ARPC1B: variants seen among roughly 807,000 people sequenced by gnomAD.
ARPC1B encodes actin related protein 2/3 complex subunit 1B, also known as actin-related protein 2/3 complex subunit 1B.
A neutral mutation model predicts 46.0 loss-of-function variants in ARPC1B; 29 were observed. The observed-to-expected ratio is 0.63, with a 90% CI of 0.47 to 0.86. The LOEUF is 0.86. Ranked by LOEUF, ARPC1B falls within the 40% of genes least tolerant of loss-of-function variation. The pLI is 0.00. For missense variants in ARPC1B, 469 were observed against 529.4 expected, an observed-to-expected ratio of 0.89 and a Z score of 1.12; for synonymous variants, 201 against 213.9, an observed-to-expected ratio of 0.94 and a Z score of 0.53.
chr7:99,384,835 G>C lies in ARPC1B; in HGVS notation c.-13-867G>C, dbSNP rs528845767. ...CTGCCATGTGCTGGACACCTTTCTA[G>C]GTGGTTTATGAGATTACTTCATTTC... On this transcript the variant is annotated intron_variant, in intron 1 of 9. Transcript: ENST00000646101. 2.0e-5 allele frequency among the ~76,000 whole-genome samples: 3 copies of C among 151,528 alleles called. No individual in the cohort carries two copies. In the East Asian group the frequency reaches 5.8e-4, roughly 29 times the overall value.
In ARPC1B at chr7:99,391,168, C is replaced by T; in HGVS notation, c.708-10C>T. The T allele has an allele frequency of 1.9e-6, 3 of 1,613,902 alleles. No individual in the cohort carries two copies. Among genetic ancestry groups the T allele is most frequent in the Non-Finnish European group, 2.5e-6 (3 of 1,179,896 alleles). On this transcript the variant is annotated splice_polypyrimidine_tract_variant and intron_variant, in intron 6 of 9. Coordinates refer to ENST00000646101, the MANE Select transcript of ARPC1B (RefSeq NM_005720.4). ...GTGGGACACCGTGACTCACAGCTCT[C>T]TCCCCTCAGCGTCGCGACTCTGGCC...
chr7:99,388,397 C>T, intron 4 of ARPC1B, 136 bp downstream of exon 4: 2 of 842,170 alleles, frequency 2.4e-6, no homozygotes, highest in Non-Finnish European at 3.7e-6. Flanking sequence ...CCTCTCTGGG[C>T]CTCATTCATG....
intron 7 of ARPC1B, among the ~76,000 whole-genome samples, 168 bp from the exon 8 acceptor site, chr7:99,392,503 G>A (rs968874636): frequency 6.6e-6 from 1 of 152,204 alleles, no homozygotes; most frequent in African/African-American, 2.4e-5. Context: ...GCAGCCCCCA[G>A]CATCACCCCC....
In ARPC1B at chr7:99,389,958, A is replaced by C. The variant is rs758400222; in HGVS notation, c.446A>C (p.Asp149Ala). The C allele has an allele frequency of 1.9e-5, 31 of 1,614,042 alleles. No homozygotes were observed. Among genetic ancestry groups the C allele is most frequent in the Non-Finnish European group, 6.8e-6 (8 of 1,180,024 alleles). ...ATCCGCTCCACCGTCCTCAGCCTGGACTGGCACCCCAACAATGTGCTGCTG... is the reference window on the plus strand; with the variant it reads ...ATCCGCTCCACCGTCCTCAGCCTGGCCTGGCACCCCAACAATGTGCTGCTG... The part of the protein sequence containing the change: ...KPIRSTVLSL[D>A]WHPNNVLLAA... The change falls in exon 5 of 10, where the codon GAC becomes GCC. Residue 149 changes from aspartate to alanine, a missense_variant. Asp to Ala is a moderately radical substitution (Grantham distance 126). Transcript: ENST00000646101.
intron 3 of ARPC1B, among the ~76,000 whole-genome samples, chr7:99,387,539 A>C (rs1341232609): frequency 6.6e-6 from 1 of 152,142 alleles, no homozygotes; most frequent in Non-Finnish European, 1.5e-5. Flanking sequence ...GGAGTTCAAG[A>C]CCAGCCTGGT....
intron 9 of ARPC1B, 90 bp downstream of exon 9, chr7:99,394,209 C>A: frequency 1.4e-6 from 2 of 1,413,014 alleles, no homozygotes; most frequent in Admixed American, 1.9e-5. Flanking sequence ...CCCCATCCTT[C>A]ACTCCTGCAG....
In ARPC1B at chr7:99,391,242, C is replaced by T. The variant is rs1794561711; in HGVS notation, c.772C>T (p.Leu258=). 2 of 1,613,988 alleles carry T rather than the reference C, an allele frequency of 1.2e-6. No homozygotes were observed. The highest frequency in any genetic ancestry group is 1.7e-6 in the Non-Finnish European group (2 of 1,179,974). Residue 258 remains leucine (L), a synonymous_variant, in exon 7 of 10, where the codon CTG becomes TTG. Coordinates refer to ENST00000646101, the MANE Select transcript of ARPC1B (RefSeq NM_005720.4). ...GCTGACCTTCATCACAGACAACAGC[C>T]TGGTGGCAGCGGTGAGGAATAGGGA... ...LALTFITDNS[L]VAAGHDCFPV...
In ARPC1B at chr7:99,391,392, G is replaced by A; in HGVS notation, c.783+139G>A. ...GCATTCTCTCATGTACCAGAATTGG[G>A]CAGAACAGGTTGGGTTATGCTGCAG... On this transcript the variant is annotated intron_variant, in intron 7 of 9. Coordinates refer to ENST00000646101, the MANE Select transcript of ARPC1B (RefSeq NM_005720.4). The A allele has an allele frequency of 8.6e-6, 8 of 934,300 alleles. No individual in the cohort carries two copies. The South Asian group carries it at 1.1e-4, about 13-fold the overall frequency. The allele number at this position is 934,300 out of a possible 1,614,324, so 57.9% of individuals were successfully genotyped here. A position where few individuals can be genotyped will look rare whatever the true frequency, so the allele number is the denominator to read the frequency against.
chr7:99,389,842 C>A, intron 4 of ARPC1B, 63 bp from the exon 5 acceptor site: 1 of 1,388,846 alleles, frequency 7.2e-7, no homozygotes, highest in South Asian at 1.2e-5. Flanking sequence ...GTCCCTGGTG[C>A]TGAGGTCCAT....
chr7:99,380,469 C>G (rs1226677994), intron 1 of ARPC1B, among the ~76,000 whole-genome samples: 1 of 152,222 alleles, frequency 6.6e-6, no homozygotes, highest in Admixed American at 6.5e-5. Context: ...AGTATTTCTG[C>G]TAATTCATGC....
chr7:99,375,788 C>T (rs146399282), intron 1 of ARPC1B, among the ~76,000 whole-genome samples: 11 of 152,230 alleles, frequency 7.2e-5, no homozygotes, highest in African/African-American at 2.2e-4. Flanking sequence ...TGTAGCCAGG[C>T]GCTGTGGCTC....
intron 3 of ARPC1B, among the ~76,000 whole-genome samples, chr7:99,387,522 GAGGTCAGGAGTTCA>G: frequency 6.6e-6 from 1 of 152,302 alleles, no homozygotes; most frequent in African/African-American, 2.4e-5. Context: ...CGGATCACCT[GAGGTCAGGAGTTCA>G]AGACCAGCCT....
rs370537333 is a variant in ARPC1B, at chr7:99,389,996, T to G, written c.484T>G (p.Cys162Gly). The G allele has an allele frequency of 1.7e-5, 27 of 1,614,018 alleles. No individual in the cohort carries two copies. The East Asian group carries it at 3.1e-4, about 19-fold the overall frequency. Residue 162 changes from cysteine to glycine, a missense_variant, in exon 5 of 10, where the codon TGT becomes GGT. Physicochemically the swap from Cys to Gly is radical, Grantham distance 159. Transcript: ENST00000646101. ...CAATGTGCTGCTGGCTGCCGGCTCC[T>G]GTGACTTCAAGTGTCGGTGAGACAG... ...PNNVLLAAGS[C>G]DFKCRIFSAY...
Position 99,394,591 on chromosome 7 carries a change from AC to A in ARPC1B, c.*103del. On this transcript the variant is annotated 3_prime_UTR_variant, in exon 10 of 10. Coordinates refer to ENST00000646101, the MANE Select transcript of ARPC1B (RefSeq NM_005720.4). ...TGCTGAATGTTTCTGGGGTACCAAT[AC>A]GAGTTCCCATAGGGGCTGCTCCCTC... 9 of 1,586,062 alleles carry A rather than the reference AC, an allele frequency of 5.7e-6. No individual in the cohort carries two copies. In the South Asian group the frequency reaches 9.1e-5, roughly 16 times the overall value.
chr7:99,393,063 G>A (rs1250257123), intron 8 of ARPC1B, among the ~76,000 whole-genome samples, 187 bp downstream of exon 8: 1 of 152,080 alleles, frequency 6.6e-6, no homozygotes, highest in Non-Finnish European at 1.5e-5. Context: ...ATGAGCGGCG[G>A]GCCCGGACAC....
intron 4 of ARPC1B, chr7:99,388,722 C>T (rs1342677064): frequency 1.3e-5 from 2 of 156,880 alleles, no homozygotes; most frequent in Non-Finnish European, 2.8e-5. Flanking sequence ...CAGCCTCTGC[C>T]TGCCGGGTTC....
chr7:99,381,540 G>C (rs1489137448), intron 1 of ARPC1B, among the ~76,000 whole-genome samples: 8 of 152,150 alleles, frequency 5.3e-5, no homozygotes, highest in African/African-American at 1.9e-4. Flanking sequence ...GCTGACTGGG[G>C]ACCCACCGGG....
intron 2 of ARPC1B, among the ~76,000 whole-genome samples, chr7:99,386,159 G>A (rs1352075799): frequency 1.3e-5 from 2 of 151,760 alleles, no homozygotes; most frequent in Admixed American, 6.6e-5. Flanking sequence ...GCTGAGGCAC[G>A]AGAATTGCTT....
Position 99,389,950 on chromosome 7 carries a change from C to T in ARPC1B, c.438C>T (p.Leu146=). 2 of 1,614,220 alleles carry T rather than the reference C, an allele frequency of 1.2e-6. No individual in the cohort carries two copies. The highest frequency in any genetic ancestry group is 1.7e-6 in the Non-Finnish European group (2 of 1,180,036). ...AGAAGCCCATCCGCTCCACCGTCCT[C>T]AGCCTGGACTGGCACCCCAACAATG... ...HIKKPIRSTV[L]SLDWHPNNVL... Residue 146 remains leucine (L), a synonymous_variant, in exon 5 of 10, where the codon CTC becomes CTT. Coordinates refer to ENST00000646101, the MANE Select transcript of ARPC1B (RefSeq NM_005720.4).
Sources: gnomAD v4.1 joint callset for allele counts (sites outside exome capture counted in the v4.1 genomes callset) on GRCh38, gnomAD v4.1.1 for gene constraint, MANE v1.5 for transcripts, NCBI Gene and HGNC (gene_info 2026-07-23, HGNC 2026-07-21) for gene names.